The following ASCC3 variants were observed in gnomAD, a reference collection of about 807,000 sequenced individuals.
ASCC3 encodes activating signal cointegrator 1 complex subunit 3.
ASCC3 carries 158 observed loss-of-function variants against 256.3 expected under a neutral mutation model. That is an observed-to-expected ratio of 0.62 (90% confidence interval 0.54 to 0.70). The LOEUF (loss-of-function observed/expected upper bound fraction) is 0.70, where lower values mean the gene tolerates loss of function less well. Ranked by LOEUF, ASCC3 falls within the 30% of genes least tolerant of loss-of-function variation. The pLI is 0.00. For synonymous variants in ASCC3, 948 were observed against 883.4 expected, an observed-to-expected ratio of 1.07 and a Z score of -1.30; for missense variants, 2,259 against 2,626.0, an observed-to-expected ratio of 0.86 and a Z score of 3.05.
chr6:100,813,262 C>T (rs968210041), intron 4 of ASCC3, among the ~76,000 whole-genome samples: 5 of 152,104 alleles, frequency 3.3e-5, no homozygotes, highest in African/African-American at 1.2e-4. Flanking sequence ...TCAAGACAGG[C>T]CTGACCAATA....
At chr6:100,685,191 A>T (rs994297362) in intron 13 of ASCC3, among the ~76,000 whole-genome samples, 1 of 152,216 alleles carries the variant, frequency 6.6e-6, no homozygotes, top group Non-Finnish European at 1.5e-5. Flanking sequence ...TATGGCAGAT[A>T]GATGTCCCAC....
At chr6:100,831,048 G>A (rs190030968) in intron 4 of ASCC3, among the ~76,000 whole-genome samples, 9 of 151,656 alleles carry the variant, frequency 5.9e-5, no homozygotes, top group African/African-American at 2.2e-4. Flanking sequence ...AAGTAGAAAG[G>A]GTTTAGTTAT....
Position 100,509,990 on chromosome 6 carries a change from A to AT in ASCC3, c.6402dup (p.Tyr2135IlefsTer16). ...GAAGCAACATGATGATTTCGAATAT[A>AT]TCCTACTCTTTTCAAAGCAATAAGT... On this transcript the variant is annotated frameshift_variant, in exon 41 of 42. Coordinates refer to ENST00000369162, the MANE Select transcript of ASCC3 (RefSeq NM_006828.4). LOFTEE classifies it high-confidence loss of function. 6.2e-7 allele frequency: 1 copy of AT among 1,614,048 alleles called. No individual in the cohort carries two copies. Among genetic ancestry groups the AT allele is most frequent in the South Asian group, 1.1e-5 (1 of 91,078 alleles).
chr6:100,594,594 T>A lies in ASCC3; in HGVS notation c.5304-4535A>T, dbSNP rs146447856. Among the ~76,000 whole-genome samples the A allele has an allele frequency of 5.5e-4, 84 of 152,268 alleles. No individual in the cohort carries two copies. The East Asian group carries it at 0.011, about 20-fold the overall frequency. ...ACATGGTTGCTGAGAATGTACATTA[T>A]TAGCACAGCCTCTTTGGAAAACAGT... On this transcript the variant is annotated intron_variant, in intron 34 of 41. Transcript: ENST00000369162.
At chr6:100,575,200 A>G (rs1236257669) in intron 36 of ASCC3, among the ~76,000 whole-genome samples, 1 of 152,044 alleles carries the variant, frequency 6.6e-6, no homozygotes, top group Non-Finnish European at 1.5e-5. Context: ...TTTTCCTTTA[A>G]CAAACTCTTT....
In ASCC3 at chr6:100,655,732, T is replaced by C. The variant is rs756434155; in HGVS notation, c.2790A>G (p.Pro930=). ...CCTTGTGACTGATGCCATATGCTAA[T>C]GGATTTGCTCTCATCCGTACATAAA... ...TYLYVRMRAN[P]LAYGISHKAY... The change falls in exon 17 of 42, where the codon CCA becomes CCG. Residue 930 remains proline (P), a synonymous_variant. Coordinates refer to ENST00000369162, the MANE Select transcript of ASCC3 (RefSeq NM_006828.4). The C allele has an allele frequency of 4.3e-6, 7 of 1,611,618 alleles. No homozygotes were observed. The highest frequency in any genetic ancestry group is 1.7e-5 in the Admixed American group (1 of 59,934).
chr6:100,606,768 T>C lies in ASCC3; in HGVS notation c.5016A>G (p.Thr1672=), dbSNP rs147541766. 11 of 1,607,624 alleles carry C rather than the reference T, an allele frequency of 6.8e-6. No homozygotes were observed. The African/African-American group carries it at 1.5e-4, about 22-fold the overall frequency. Reference sequence around the variant, plus strand: ...TAATGGGAAAATCCACATAACGTCTTGTTTTTCCATCATAGTATTCTGTTC... The same window carrying C: ...TAATGGGAAAATCCACATAACGTCTCGTTTTTCCATCATAGTATTCTGTTC... ...IKGTEYYDGK[T]RRYVDFPITD... is the part of the protein sequence containing the mutation. The change falls in exon 32 of 42, where the codon ACA becomes ACG. Residue 1672 remains threonine (T), a synonymous_variant. Transcript: ENST00000369162.
At chr6:100,797,478 G>GGA (rs1769683374) in intron 8 of ASCC3, among the ~76,000 whole-genome samples, 1 of 113,452 alleles carries the variant, frequency 8.8e-6, no homozygotes, top group Non-Finnish European at 1.8e-5. Context: ...AAAAAAAAAT[G>GGA]AAAAAAAAAA....
At chr6:100,769,853 C>T (rs1214242485) in intron 8 of ASCC3, among the ~76,000 whole-genome samples, 2 of 151,646 alleles carry the variant, frequency 1.3e-5, no homozygotes, top group Admixed American at 1.3e-4. Flanking sequence ...ATGAAATGGA[C>T]AACTTTCTTA....
chr6:100,756,207 TA>T (rs1011139227), intron 10 of ASCC3, among the ~76,000 whole-genome samples: 62 of 147,278 alleles, frequency 4.2e-4, no homozygotes, highest in South Asian at 1.3e-3. Context: ...TCCAAATAAT[TA>T]AAAAAAAAAA....
chr6:100,865,850 T>C (rs565774571), intron 2 of ASCC3, among the ~76,000 whole-genome samples: 1 of 152,300 alleles, frequency 6.6e-6, no homozygotes, highest in Non-Finnish European at 1.5e-5. Flanking sequence ...ATTCACAACA[T>C]TATGGCTAAG....
intron 3 of ASCC3, among the ~76,000 whole-genome samples, chr6:100,854,522 AC>A (rs1772844001): frequency 6.6e-6 from 1 of 152,220 alleles, no homozygotes; most frequent in South Asian, 2.1e-4. Flanking sequence ...AGGAAAGCAA[AC>A]AAAGATATTT....
intron 40 of ASCC3, among the ~76,000 whole-genome samples, chr6:100,511,140 T>C (rs971869072): frequency 1.3e-5 from 2 of 152,202 alleles, no homozygotes; most frequent in African/African-American, 4.8e-5. Context: ...CATTAAGTCA[T>C]CTAAAAAATG....
chr6:100,880,923 C>T (rs1433242114), intron 1 of ASCC3, 138 bp downstream of exon 1: 3 of 152,210 alleles, frequency 2.0e-5, no homozygotes, highest in African/African-American at 4.8e-5. Context: ...AAAAGGATGA[C>T]AGGTCGGGAC....
chr6:100,539,633 G>A (rs1003243930), intron 37 of ASCC3, among the ~76,000 whole-genome samples: 1 of 151,948 alleles, frequency 6.6e-6, no homozygotes, highest in Non-Finnish European at 1.5e-5. Flanking sequence ...CACACCTCCA[G>A]AGACCCTACG....
intron 8 of ASCC3, among the ~76,000 whole-genome samples, chr6:100,776,464 ACCAGACTACTGATCTTACATACATACG>A (rs1782193450): frequency 1.3e-5 from 2 of 152,124 alleles, no homozygotes; most frequent in African/African-American, 2.4e-5. Flanking sequence ...TTTGGGACTC[ACCAGACTACTGATCTTACATACATACG>A]CCAGACTACT....
At chr6:100,878,851 T>C (rs1259216650) in intron 1 of ASCC3, among the ~76,000 whole-genome samples, 1 of 152,112 alleles carries the variant, frequency 6.6e-6, no homozygotes, top group Non-Finnish European at 1.5e-5. Flanking sequence ...AAGCAAACAA[T>C]CACTTCTGCA....
chr6:100,630,145 TC>T (rs907140558), intron 26 of ASCC3, among the ~76,000 whole-genome samples: 12 of 152,052 alleles, frequency 7.9e-5, no homozygotes, highest in African/African-American at 2.7e-4. Flanking sequence ...CGCCTCAGCC[TC>T]CCAAAGTGCC....
At chr6:100,860,432 T>TG (rs1163027057) in intron 3 of ASCC3, among the ~76,000 whole-genome samples, 2 of 151,990 alleles carry the variant, frequency 1.3e-5, no homozygotes, top group African/African-American at 4.8e-5. Context: ...ATTGTGGGGT[T>TG]GGGGGTGAGA....
Sources: allele counts gnomAD v4.1 joint callset (sites outside exome capture counted in the v4.1 genomes callset), GRCh38; gene constraint gnomAD v4.1.1; transcripts MANE v1.5; gene names NCBI Gene and HGNC (gene_info 2026-07-23, HGNC 2026-07-21).